Variants in SUCO observed in about 807,000 individuals in gnomAD.
The protein encoded by SUCO is SUN domain-containing ossification factor.
SUCO carries 57 observed loss-of-function variants against 148.1 expected under a neutral mutation model. That is an observed-to-expected ratio of 0.38 (90% CI 0.31 to 0.48). The LOEUF is 0.48. Among genes scored for constraint, SUCO ranks in the 20% least tolerant of loss-of-function variants. The pLI, the probability that SUCO is intolerant of heterozygous loss-of-function variation, is 0.96. For synonymous variants in SUCO, 470 were observed against 502.7 expected, an observed-to-expected ratio of 0.93 and a Z score of 0.87; for missense variants, 1,331 against 1,468.2, an observed-to-expected ratio of 0.91 and a Z score of 1.53.
intron 6 of SUCO, among the ~76,000 whole-genome samples, chr1:172,562,994 A>G (rs934551367): frequency 6.6e-6 from 1 of 152,166 alleles, no homozygotes; most frequent in Non-Finnish European, 1.5e-5. Flanking sequence ...ACTGCCATGT[A>G]AAGAAGGTAC....
Position 172,557,375 on chromosome 1 carries a change from G to C in SUCO, c.539G>C (p.Ser180Thr). Residue 180 changes from serine (S) to threonine (T), a missense_variant, in exon 5 of 24, where the codon AGT becomes ACT. Coordinates refer to ENST00000263688, the MANE Select transcript of SUCO (RefSeq NM_014283.5). ...GATGTTGGTGAGGCCCTTGATGCTA[G>C]TGCTCCAATTGAACAACCTTCCTTT... is the stretch of plus-strand genomic sequence containing the variant. ...DCDVGEALDA[S>T]APIEQPSFVS... 1.2e-6 allele frequency: 2 copies of C among 1,614,070 alleles called. No homozygotes were observed. Among genetic ancestry groups the C allele is most frequent in the Non-Finnish European group, 1.7e-6 (2 of 1,179,934 alleles).
chr1:172,554,737 C>CAAA (rs77841500), intron 3 of SUCO, among the ~76,000 whole-genome samples: 1 of 68,500 alleles, frequency 1.5e-5, no homozygotes, highest in African/African-American at 4.8e-5. Flanking sequence ...GACTCTGTCT[C>CAAA]AAAAAAAAAA....
At chr1:172,558,182 T>C (rs931639824) in intron 6 of SUCO, among the ~76,000 whole-genome samples, 1 of 152,246 alleles carries the variant, frequency 6.6e-6, no homozygotes, top group African/African-American at 2.4e-5. Context: ...AAATTTAGGC[T>C]CTTCAGTCAG....
In SUCO at chr1:172,602,270, T is replaced by C. The variant is rs748425237; in HGVS notation, c.3173+52T>C. 4 of 1,470,068 alleles carry C rather than the reference T, an allele frequency of 2.7e-6. No homozygotes were observed. In the East Asian group the frequency reaches 7.3e-5, roughly 27 times the overall value. The allele number at this position is 1,470,068 out of a possible 1,614,324, so 91.1% of individuals were successfully genotyped here. ...TTTATTTTTTTTACTATGCTTTGTA[T>C]ATTTTTGAGAAATTTTAAGCAAATA... is the stretch of plus-strand genomic sequence containing the variant. On this transcript the variant is annotated intron_variant, in intron 21 of 23. Transcript: ENST00000263688.
chr1:172,568,401 T>C (rs1390824935), intron 6 of SUCO: 1 of 975,008 alleles, frequency 1.0e-6, no homozygotes, highest in African/African-American at 1.8e-5. Context: ...CTTCTCTCAG[T>C]GTGTGACTTA....
In SUCO at chr1:172,602,074, G is replaced by A. The variant is rs780140652; in HGVS notation, c.3029G>A (p.Arg1010Gln). ...CTCTTCTCATCTCAGGTTTCAGATC[G>A]ACAAAGCTATCTTGTCATATCTTTG... The part of the protein sequence containing the change: ...VAELKREVSD[R>Q]QSYLVISLVL... The change falls in exon 21 of 24, where the codon CGA becomes CAA. Residue 1010 changes from arginine to glutamine, a missense_variant. This residue lies in a region of SUCO where 334 missense variants were observed against 352.3 expected (regional missense o/e 0.95). Transcript: ENST00000263688. The A allele has an allele frequency of 9.3e-6, 15 of 1,606,062 alleles. No homozygotes were observed. In the African/African-American group the frequency reaches 1.2e-4, roughly 13 times the overall value.
chr1:172,605,686 G>A (rs1657825240), intron 22 of SUCO, among the ~76,000 whole-genome samples: 1 of 151,786 alleles, frequency 6.6e-6, no homozygotes, highest in African/African-American at 2.4e-5. Flanking sequence ...TTCTATATAA[G>A]CAGTGTCGTT....
chr1:172,553,256 A>C lies in SUCO; in HGVS notation c.178-4A>C. ...AGGTGATTTTTGTTGTTGTTGTTAT[A>C]TAGGATGAAAGAGAGGGACCTATCA... is the stretch of plus-strand genomic sequence containing the variant. On this transcript the variant is annotated splice_polypyrimidine_tract_variant and splice_region_variant and intron_variant, in intron 2 of 23. Coordinates refer to ENST00000263688, the MANE Select transcript of SUCO (RefSeq NM_014283.5). The C allele has an allele frequency of 6.4e-7, 1 of 1,571,044 alleles. No homozygotes were observed. The highest frequency in any genetic ancestry group is 8.7e-7 in the Non-Finnish European group (1 of 1,154,652).
At chr1:172,567,957 G>A (rs1049097014) in intron 6 of SUCO, among the ~76,000 whole-genome samples, 4 of 152,188 alleles carry the variant, frequency 2.6e-5, no homozygotes, top group Non-Finnish European at 5.9e-5. Flanking sequence ...CAGGTGGTGA[G>A]CAGCAGGTAA....
chr1:172,589,449 G>C lies in SUCO; in HGVS notation c.2348G>C (p.Ser783Thr). ...AATGAAACAGAACAAAAGTCTGAGA[G>C]CTTTAGTTCTATAGAGAAACCATCT... ...IDNETEQKSE[S>T]FSSIEKPSIT... Residue 783 changes from serine (S) to threonine (T), a missense_variant, in exon 18 of 24, where the codon AGC (serine) becomes ACC (threonine). Ser to Thr is a moderately conservative substitution (Grantham distance 58). This residue lies in a region of SUCO where 992 missense variants were observed against 1,093.5 expected (regional missense o/e 0.91). Transcript: ENST00000263688. 6.2e-7 allele frequency: 1 copy of C among 1,611,892 alleles called. No homozygotes were observed. Among genetic ancestry groups the C allele is most frequent in the Non-Finnish European group, 8.5e-7 (1 of 1,179,254 alleles).
At position 172,609,680 on chromosome 1, in the gene SUCO, G is replaced by A. The variant is rs556738295; in HGVS notation, c.3322-136G>A. On this transcript the variant is annotated intron_variant, in intron 23 of 23. Transcript: ENST00000263688. ...ATCTATATAGAACATAACAATGTAT[G>A]TGTTCTGTGCTGTTTATAATACTGT... 4 of 1,450,212 alleles carry A rather than the reference G, an allele frequency of 2.8e-6. 1 individual carries two copies. The South Asian group carries it at 6.1e-5, about 22-fold the overall frequency. The allele number at this position is 1,450,212 out of a possible 1,614,324, so 89.8% of individuals were successfully genotyped here. A position where few individuals can be genotyped will look rare whatever the true frequency, so the allele number is the denominator to read the frequency against.
At chr1:172,569,942 T>C (rs1654827960) in intron 7 of SUCO, 105 bp from the exon 8 acceptor site, 37 of 1,092,274 alleles carry the variant, frequency 3.4e-5, no homozygotes, top group Non-Finnish European at 4.1e-5. Flanking sequence ...CCTATTCTTT[T>C]CTAGAAGACA....
chr1:172,543,895 G>A (rs919329631), intron 1 of SUCO, among the ~76,000 whole-genome samples: 1 of 152,020 alleles, frequency 6.6e-6, no homozygotes, highest in Non-Finnish European at 1.5e-5. Flanking sequence ...AGACTGATAC[G>A]TGGTTTAGAA....
chr1:172,582,483 A>T (rs1191420559), intron 15 of SUCO, among the ~76,000 whole-genome samples: 1 of 152,184 alleles, frequency 6.6e-6, no homozygotes, highest in African/African-American at 2.4e-5. Flanking sequence ...GGAGCATTTT[A>T]TTCCTAAAGG....
chr1:172,539,828 T>A (rs912738671), intron 1 of SUCO, among the ~76,000 whole-genome samples: 2 of 152,170 alleles, frequency 1.3e-5, no homozygotes, highest in Non-Finnish European at 2.9e-5. Flanking sequence ...CACTTAAATA[T>A]TATTTGATTA....
upstream of SUCO, chr1:172,532,525 A>G (rs1290697711): frequency 6.2e-7 from 1 of 1,612,888 alleles, no homozygotes; most frequent in South Asian, 1.1e-5. Context: ...CATCTAGCTC[A>G]ATGGGGCAGT....
rs749371828 is a variant in SUCO, at chr1:172,555,919, A to C, written c.339A>C (p.Thr113=). The change falls in exon 4 of 24, where the codon ACA becomes ACC. Residue 113 remains threonine (T), a synonymous_variant. Coordinates refer to ENST00000263688, the MANE Select transcript of SUCO (RefSeq NM_014283.5). ...CACCGGTGGTGGAGACACTCCCTAC[A>C]GTTGATTTGCATGAAGAGTCTTCCA... ...LSPPVVETLP[T]VDLHEESSNA... is the part of the protein sequence containing the mutation. 4 of 1,613,170 alleles carry C rather than the reference A, an allele frequency of 2.5e-6. No individual in the cohort carries two copies. The highest frequency in any genetic ancestry group is 2.7e-5 in the African/African-American group (2 of 74,886).
intron 6 of SUCO, among the ~76,000 whole-genome samples, chr1:172,560,310 C>A (rs1654058960): frequency 6.6e-6 from 1 of 152,166 alleles, no homozygotes; most frequent in Non-Finnish European, 1.5e-5. Flanking sequence ...GCAATGAGTG[C>A]CCTGGTTATA....
chr1:172,593,409 G>A (rs1028185743), intron 19 of SUCO, among the ~76,000 whole-genome samples: 2 of 152,146 alleles, frequency 1.3e-5, no homozygotes, highest in South Asian at 2.1e-4. Context: ...TTGGCTGTGG[G>A]TTTGTCATAA....
Sources: allele counts gnomAD v4.1 joint callset (sites outside exome capture counted in the v4.1 genomes callset), GRCh38; gene constraint gnomAD v4.1.1; regional missense constraint gnomAD v4.1.1; transcripts MANE v1.5; gene names NCBI Gene and HGNC (gene_info 2026-07-23, HGNC 2026-07-21).